The following GPHN variants were observed in gnomAD, a reference collection of about 807,000 sequenced individuals.
The protein encoded by GPHN is gephyrin.
In GPHN, 17 loss-of-function variants were observed where a neutral mutation model predicts 95.5. The observed-to-expected ratio is 0.18, with a 90% CI of 0.12 to 0.27. The LOEUF is 0.27. Ranked by LOEUF, GPHN falls within the 10% of genes least tolerant of loss-of-function variation. The pLI is 1.00. For synonymous variants in GPHN, 320 were observed against 322.5 expected (o/e 0.99, Z 0.08); for missense variants, 660 against 978.1 (o/e 0.67, Z 4.34).
At chr14:67,151,563 A>G (rs928437512) in intron 18 of GPHN, among the ~76,000 whole-genome samples, 1 of 152,348 alleles carries the variant, frequency 6.6e-6, no homozygotes, top group East Asian at 1.9e-4. Context: ...AGAGAAACCA[A>G]AAGTTACCAA....
the GPHN span, among the ~76,000 whole-genome samples, chr14:67,452,879 C>G: frequency 1.2e-4 from 18 of 152,276 alleles, 1 homozygote; most frequent in Admixed American, 9.2e-4. Flanking sequence ...AGAGGCAGAT[C>G]CAGAAATGGA....
the GPHN span, chr14:67,590,226 A>G: frequency 3.6e-6 from 5 of 1,378,774 alleles, no homozygotes; most frequent in Non-Finnish European, 4.8e-6. Flanking sequence ...AAGGGAGTGC[A>G]GTGGTGCTGC....
At chr14:66,991,740 C>T (rs2153604400) in intron 9 of GPHN, among the ~76,000 whole-genome samples, 1 of 151,556 alleles carries the variant, frequency 6.6e-6, no homozygotes, top group Non-Finnish European at 1.5e-5. Flanking sequence ...GGCATGGTGG[C>T]ATATGCCTAT....
At chr14:66,832,791 G>C (rs907576811) in intron 4 of GPHN, among the ~76,000 whole-genome samples, 3 of 151,968 alleles carry the variant, frequency 2.0e-5, no homozygotes, top group African/African-American at 7.2e-5. Flanking sequence ...AGCCAATTCA[G>C]GCAAAAAGAT....
intron 4 of GPHN, among the ~76,000 whole-genome samples, chr14:66,829,712 T>C (rs1253013370): frequency 6.6e-6 from 1 of 152,120 alleles, no homozygotes; most frequent in Non-Finnish European, 1.5e-5. Flanking sequence ...ATAAGTAAAA[T>C]AGTTGAGTAA....
intron 3 of GPHN, among the ~76,000 whole-genome samples, chr14:66,797,021 C>CTTTTTTTTT (rs369681377): frequency 1.2e-4 from 10 of 81,216 alleles, no homozygotes; most frequent in Non-Finnish European, 2.1e-4. Flanking sequence ...TATCTAGTTC[C>CTTTTTTTTT]TTTTTTTTTT....
At chr14:66,660,465 T>C (rs763151824) in intron 1 of GPHN, among the ~76,000 whole-genome samples, 34 of 152,238 alleles carry the variant, frequency 2.2e-4, no homozygotes, top group Non-Finnish European at 4.1e-4. Flanking sequence ...TTTAGAAATC[T>C]TTCATTGACC....
chr14:66,826,440 A>C (rs751184706), intron 4 of GPHN, among the ~76,000 whole-genome samples: 2 of 152,160 alleles, frequency 1.3e-5, no homozygotes, highest in African/African-American at 2.4e-5. Flanking sequence ...ACCAGGAATT[A>C]GTACTAGACT....
the GPHN span, among the ~76,000 whole-genome samples, chr14:67,606,983 A>T: frequency 1.3e-5 from 2 of 152,184 alleles, no homozygotes; most frequent in African/African-American, 4.8e-5. Context: ...TATATTCAAA[A>T]TGTGAGAGGT....
chr14:67,681,437 A>C, the GPHN span, among the ~76,000 whole-genome samples: 4 of 152,368 alleles, frequency 2.6e-5, no homozygotes, highest in Admixed American at 1.3e-4. Context: ...AAGGCACTGG[A>C]TATCCACATG....
intron 2 of GPHN, among the ~76,000 whole-genome samples, chr14:66,731,598 A>T (rs2071770700): frequency 6.6e-6 from 1 of 152,228 alleles, no homozygotes; most frequent in Non-Finnish European, 1.5e-5. Context: ...AGGGAAGCAG[A>T]GCATAAAAGT....
At chr14:67,426,508 G>C in the GPHN span, among the ~76,000 whole-genome samples, 1 of 152,232 alleles carries the variant, frequency 6.6e-6, no homozygotes, top group African/African-American at 2.4e-5. Flanking sequence ...GCCTTCAGCA[G>C]CAGCAGACTG....
intron 5 of GPHN, among the ~76,000 whole-genome samples, chr14:66,899,948 C>T (rs1366286415): frequency 6.6e-6 from 1 of 151,816 alleles, no homozygotes; most frequent in Non-Finnish European, 1.5e-5. Context: ...TTAAAAGTTA[C>T]AGGGCTATTT....
chr14:67,203,378 A>G, the GPHN span: 381 of 1,142,156 alleles, frequency 3.3e-4, 5 homozygotes, highest in East Asian at 8.0e-3. Flanking sequence ...ACTGATGACA[A>G]TTGCGCCAGT....
intron 1 of GPHN, among the ~76,000 whole-genome samples, chr14:66,579,099 T>C (rs1209153005): frequency 2.0e-5 from 3 of 151,980 alleles, no homozygotes; most frequent in Middle Eastern, 3.4e-3. Flanking sequence ...AATTGTAGAA[T>C]TCTTGTGTGT....
At chr14:67,286,866 A>AG in the GPHN span, among the ~76,000 whole-genome samples, 1 of 150,992 alleles carries the variant, frequency 6.6e-6, no homozygotes, top group African/African-American at 2.4e-5. Flanking sequence ...AAAAAAAAAA[A>AG]AAAAAAAAGA....
At chr14:66,620,629 AT>A (rs2063250447) in intron 1 of GPHN, among the ~76,000 whole-genome samples, 5 of 152,104 alleles carry the variant, frequency 3.3e-5, no homozygotes. Context: ...TCAAGATGAG[AT>A]TTGGCAGAGG....
At chr14:67,473,637 C>T in the GPHN span, 1 of 1,583,866 alleles carries the variant, frequency 6.3e-7, no homozygotes, top group Non-Finnish European at 8.6e-7. The surrounding 1 kb of genome is among the most constrained non-coding windows in gnomAD (Gnocchi z 6.5). Context: ...GTTGAACTGG[C>T]GCAGGATGAA....
intron 1 of GPHN, among the ~76,000 whole-genome samples, chr14:66,585,516 G>T (rs562020411): frequency 6.6e-6 from 1 of 151,962 alleles, no homozygotes; most frequent in East Asian, 1.9e-4. Context: ...GCTTTCTCTT[G>T]TGGGCATTTA....
Sources: gnomAD v4.1 joint callset for allele counts (sites outside exome capture counted in the v4.1 genomes callset) on GRCh38, gnomAD v4.1.1 for gene constraint, Gnocchi (gnomAD v3.1) non-coding constraint, MANE v1.5 for transcripts, NCBI Gene and HGNC (gene_info 2026-07-23, HGNC 2026-07-21) for gene names.